Variants in JARID2 observed in about 807,000 individuals in gnomAD.
The protein encoded by JARID2 is protein Jumonji.
JARID2 carries 21 observed loss-of-function variants against 125.6 expected under a neutral mutation model. The observed-to-expected ratio is 0.17, with a 90% confidence interval of 0.12 to 0.24. JARID2 has a LOEUF of 0.24. JARID2 is among the 10% of genes least tolerant of loss of function. The probability of loss-of-function intolerance (pLI) is 1.00; values close to 1 mark genes in which losing one functional copy is unlikely to be tolerated. For synonymous variants in JARID2, 736 were observed against 661.6 expected (o/e 1.11, Z -1.73); for missense variants, 1,303 against 1,639.6 (o/e 0.79, Z 3.55).
At chr6:15,302,979 C>T (rs1288746213) in intron 1 of JARID2, among the ~76,000 whole-genome samples, 2 of 152,196 alleles carry the variant, frequency 1.3e-5, no homozygotes, top group African/African-American at 4.8e-5. Context: ...CCACCTCGGC[C>T]TCCCAAAGTG....
chr6:15,258,713 C>G (rs559559501), intron 1 of JARID2, among the ~76,000 whole-genome samples: 2 of 152,238 alleles, frequency 1.3e-5, no homozygotes, highest in African/African-American at 4.8e-5. Context: ...ACCCAGGAGG[C>G]AGAGGTTGCA....
At chr6:15,459,748 T>C (rs1418104302) in intron 4 of JARID2, among the ~76,000 whole-genome samples, 2 of 152,222 alleles carry the variant, frequency 1.3e-5, no homozygotes, top group African/African-American at 2.4e-5. Context: ...GATGTGGTCC[T>C]AGCCTTGAGT....
chr6:15,346,081 A>G (rs1019519664), intron 1 of JARID2, among the ~76,000 whole-genome samples: 1 of 152,214 alleles, frequency 6.6e-6, no homozygotes, highest in Admixed American at 6.5e-5. Context: ...CTGTTGTCAG[A>G]TGTAGATTGG....
chr6:15,297,448 A>G lies in JARID2; in HGVS notation c.45+50864A>G, dbSNP rs566596626. Among the ~76,000 whole-genome samples, 603 of 150,062 alleles carry G rather than the reference A, an allele frequency of 4.0e-3. 7 individuals carry two copies. Among genetic ancestry groups the G allele is most frequent in the African/African-American group, 0.014 (570 of 40,796 alleles). ...CACCGCCCGGCCTGGTTGTGTTTTTATAAGTCAGGGTCCTTTCCCAGACCT... is the reference window on the plus strand; with the variant it reads ...CACCGCCCGGCCTGGTTGTGTTTTTGTAAGTCAGGGTCCTTTCCCAGACCT... On this transcript the variant is annotated intron_variant, in intron 1 of 17. Transcript: ENST00000341776.
intron 3 of JARID2, among the ~76,000 whole-genome samples, chr6:15,433,921 G>GGTGT (rs146025914): frequency 0.077 from 10,116 of 131,154 alleles, 442 homozygotes; most frequent in Admixed American, 0.12. Context: ...CACTCTCCAG[G>GGTGT]GTGTGTGTGT....
At chr6:15,393,282 C>T (rs1001958653) in intron 2 of JARID2, among the ~76,000 whole-genome samples, 2 of 152,176 alleles carry the variant, frequency 1.3e-5, no homozygotes, top group African/African-American at 4.8e-5. Flanking sequence ...GGTATCTGTG[C>T]CACTATAATG....
In JARID2 at chr6:15,441,449, A is replaced by G. The variant is rs926076114; in HGVS notation, c.324-10557A>G. The stretch of plus-strand genomic sequence containing the variant: ...TGGAGTGTAAAGACTCGCTATTGCC[A>G]TCTATTGGTGCATGCTGGCTACTTC... On this transcript the variant is annotated intron_variant, in intron 3 of 17. Transcript: ENST00000341776. Among the ~76,000 whole-genome samples the G allele has an allele frequency of 7.9e-5, 12 of 152,164 alleles. 1 individual carries two copies. The South Asian group carries it at 2.5e-3, about 31-fold the overall frequency.
At chr6:15,364,989 A>AT (rs1358055484) in intron 1 of JARID2, among the ~76,000 whole-genome samples, 5 of 152,068 alleles carry the variant, frequency 3.3e-5, no homozygotes, top group South Asian at 2.1e-4. Context: ...GCATTTGGGG[A>AT]TTTTTTGGGG....
chr6:15,327,822 T>G (rs1762583031), intron 1 of JARID2, among the ~76,000 whole-genome samples: 1 of 152,218 alleles, frequency 6.6e-6, no homozygotes, highest in African/African-American at 2.4e-5. Flanking sequence ...GTCTTTACTT[T>G]CACATTCTTG....
intron 1 of JARID2, among the ~76,000 whole-genome samples, chr6:15,330,506 T>G (rs1237579801): frequency 6.6e-6 from 1 of 152,216 alleles, no homozygotes; most frequent in Non-Finnish European, 1.5e-5. Flanking sequence ...ATGTTAATTG[T>G]TTCAGTGTAT....
chr6:15,333,298 ACT>A (rs779719669), intron 1 of JARID2, among the ~76,000 whole-genome samples: 4 of 152,156 alleles, frequency 2.6e-5, no homozygotes, highest in Non-Finnish European at 5.9e-5. Flanking sequence ...GCAAGCCATT[ACT>A]ACTATGTAAT....
chr6:15,306,198 T>G (rs1413259048), intron 1 of JARID2, among the ~76,000 whole-genome samples: 1 of 152,184 alleles, frequency 6.6e-6, no homozygotes, highest in Non-Finnish European at 1.5e-5. Context: ...TTGTTAAGAT[T>G]TGAGGGGGAC....
intron 5 of JARID2, among the ~76,000 whole-genome samples, chr6:15,479,808 C>T (rs76568508): frequency 0.01 from 1,535 of 152,288 alleles, 11 homozygotes; most frequent in Non-Finnish European, 0.016. Context: ...TTGCAGCTTT[C>T]CCTAGTTTTA....
chr6:15,333,882 A>G (rs1250762001), intron 1 of JARID2, among the ~76,000 whole-genome samples: 1 of 152,222 alleles, frequency 6.6e-6, no homozygotes, highest in Non-Finnish European at 1.5e-5. Flanking sequence ...GGGGCCAGGG[A>G]AACCTAAAGG....
intron 1 of JARID2, among the ~76,000 whole-genome samples, chr6:15,253,158 G>A (rs1469590427): frequency 1.3e-5 from 2 of 151,930 alleles, no homozygotes; most frequent in African/African-American, 4.8e-5. Flanking sequence ...CCAGCTCCTG[G>A]GTTCAAGCTA....
chr6:15,503,647 C>T (rs1770851752), intron 8 of JARID2, among the ~76,000 whole-genome samples: 1 of 152,198 alleles, frequency 6.6e-6, no homozygotes, highest in African/African-American at 2.4e-5. Context: ...GTGTTTCATG[C>T]ACTGCTCTGT....
intron 2 of JARID2, among the ~76,000 whole-genome samples, chr6:15,405,963 G>A (rs910397172): frequency 2.6e-4 from 39 of 152,156 alleles, no homozygotes; most frequent in African/African-American, 2.2e-4. Flanking sequence ...GAGATTGGTC[G>A]CCAGCGGGGG....
At chr6:15,293,398 G>A (rs1761296884) in intron 1 of JARID2, among the ~76,000 whole-genome samples, 2 of 152,190 alleles carry the variant, frequency 1.3e-5, no homozygotes, top group South Asian at 4.1e-4. Flanking sequence ...CTGGGTGATA[G>A]AGCAAGATTC....
intron 1 of JARID2, among the ~76,000 whole-genome samples, chr6:15,307,846 G>A (rs1255468217): frequency 6.6e-6 from 1 of 152,170 alleles, no homozygotes; most frequent in African/African-American, 2.4e-5. Context: ...CATCTAATTT[G>A]CAGAGTTCAT....
Sources: allele counts gnomAD v4.1 joint callset (sites outside exome capture counted in the v4.1 genomes callset), GRCh38; gene constraint gnomAD v4.1.1; transcripts MANE v1.5; gene names NCBI Gene and HGNC (gene_info 2026-07-23, HGNC 2026-07-21).